RNF111: variants seen among roughly 807,000 people sequenced by gnomAD.
The protein encoded by RNF111 is E3 ubiquitin-protein ligase Arkadia.
A neutral mutation model predicts 95.1 loss-of-function variants in RNF111; 17 were observed. The ratio of observed to expected loss-of-function variants is 0.18; its 90% CI spans 0.12 to 0.27. The LOEUF (loss-of-function observed/expected upper bound fraction) is 0.27, where lower values mean the gene tolerates loss of function less well. Ranked by LOEUF, RNF111 falls within the 10% of genes least tolerant of loss-of-function variation. The pLI, the probability that RNF111 is intolerant of heterozygous loss-of-function variation, is 1.00. For missense variants in RNF111, 1,189 were observed against 1,210.4 expected (o/e 0.98, Z 0.26); for synonymous variants, 440 against 414.8 (o/e 1.06, Z -0.74).
chr15:59,059,374 T>C lies in RNF111; in HGVS notation c.1366+824T>C, dbSNP rs555227187. Among the ~76,000 whole-genome samples, 37 of 152,242 alleles carry C rather than the reference T, an allele frequency of 2.4e-4. No homozygotes were observed. The South Asian group carries it at 5.0e-3, about 20-fold the overall frequency. Reference sequence around the variant, plus strand: ...AGAAAATCACCAGCGTTGGCAAGGATGTAGAGAAATTGGAACCCTTGCGAA... The same window carrying C: ...AGAAAATCACCAGCGTTGGCAAGGACGTAGAGAAATTGGAACCCTTGCGAA... On this transcript the variant is annotated intron_variant, in intron 5 of 13. Transcript: ENST00000348370.
chr15:58,990,678 G>A (rs1432402741), intron 1 of RNF111, among the ~76,000 whole-genome samples: 1 of 152,118 alleles, frequency 6.6e-6, no homozygotes, highest in Non-Finnish European at 1.5e-5. Context: ...AAAAAACTAT[G>A]ATTGTTGTTC....
At chr15:59,032,629 C>T (rs1313056466) in intron 2 of RNF111, among the ~76,000 whole-genome samples, 1 of 152,140 alleles carries the variant, frequency 6.6e-6, no homozygotes, top group Non-Finnish European at 1.5e-5. Context: ...CCAAGTTGCC[C>T]AGGTTGGTCT....
intron 1 of RNF111, among the ~76,000 whole-genome samples, chr15:58,991,318 C>T (rs1244488765): frequency 6.6e-6 from 1 of 152,002 alleles, no homozygotes; most frequent in African/African-American, 2.4e-5. Context: ...AAAAAAGCCT[C>T]CAAATACTTA....
At chr15:59,052,748 C>T (rs1943550495) in intron 3 of RNF111, among the ~76,000 whole-genome samples, 1 of 151,764 alleles carries the variant, frequency 6.6e-6, no homozygotes, top group Non-Finnish European at 1.5e-5. Context: ...GCATTAAACT[C>T]ACCTGGAGAG....
chr15:59,077,759 C>T (rs777712592), intron 7 of RNF111, among the ~76,000 whole-genome samples: 34 of 152,126 alleles, frequency 2.2e-4, no homozygotes, highest in Non-Finnish European at 2.9e-4. Context: ...CAGATAAATA[C>T]TGTTAAGTTT....
At chr15:59,090,357 G>C (rs1463142342) in intron 11 of RNF111, among the ~76,000 whole-genome samples, 1 of 152,156 alleles carries the variant, frequency 6.6e-6, no homozygotes, top group Non-Finnish European at 1.5e-5. Flanking sequence ...GGCTTCCTGA[G>C]TAGCTGGGAT....
Position 59,081,267 on chromosome 15 carries a change from G to T in RNF111, c.2280G>T (p.Arg760Ser). 1 of 1,613,854 alleles carries T rather than the reference G, an allele frequency of 6.2e-7. No homozygotes were observed. Among genetic ancestry groups the T allele is most frequent in the Non-Finnish European group, 8.5e-7 (1 of 1,179,906 alleles). Residue 760 changes from arginine to serine, a missense_variant, in exon 8 of 14, where the codon AGG becomes AGT. Around this residue, in one of 2 missense-constraint regions of RNF111, gnomAD observed 1,024 missense variants for 925.9 expected, o/e 1.11. Transcript: ENST00000348370. ...VMQRMEVQRR[R>S]MMQHPTRAHE... ...AGAGGATGGAAGTTCAAAGGAGGAG[G>T]ATGATGCAGCATCCAACGTATGTTT...
At chr15:59,056,556 A>G (rs1341545734) in intron 4 of RNF111, among the ~76,000 whole-genome samples, 1 of 152,206 alleles carries the variant, frequency 6.6e-6, no homozygotes, top group Admixed American at 6.5e-5. Context: ...TTAGCTATAA[A>G]TTGGGCAAAG....
intron 2 of RNF111, among the ~76,000 whole-genome samples, chr15:59,044,153 C>T (rs2041599983): frequency 6.6e-6 from 1 of 152,186 alleles, no homozygotes; most frequent in Non-Finnish European, 1.5e-5. Flanking sequence ...GCCTCAGCCT[C>T]ATGAGTAGCT....
At chr15:59,047,170 T>G (rs2041753721) in intron 2 of RNF111, among the ~76,000 whole-genome samples, 1 of 152,128 alleles carries the variant, frequency 6.6e-6, no homozygotes, top group Non-Finnish European at 1.5e-5. Flanking sequence ...AGATTAAACA[T>G]GGACAGAAGA....
At chr15:59,041,902 CAT>C (rs1209090614) in intron 2 of RNF111, among the ~76,000 whole-genome samples, 3 of 145,220 alleles carry the variant, frequency 2.1e-5, no homozygotes, top group Non-Finnish European at 3.0e-5. Context: ...TGTATCTTTT[CAT>C]ATGTTTTAAA....
intron 2 of RNF111, among the ~76,000 whole-genome samples, chr15:59,044,874 G>A (rs1478851559): frequency 1.3e-5 from 2 of 152,120 alleles, no homozygotes; most frequent in African/African-American, 4.8e-5. Flanking sequence ...GATTGTAGAT[G>A]CCAAAATGTT....
At chr15:58,994,544 C>A (rs1260786100) in intron 1 of RNF111, among the ~76,000 whole-genome samples, 2 of 123,806 alleles carry the variant, frequency 1.6e-5, no homozygotes. Context: ...GCAGTGTGAT[C>A]TCGGCTCACT....
rs531330497 is a variant in RNF111 at position 59,036,989 on chromosome 15, A to G, written c.880+5287A>G. Among the ~76,000 whole-genome samples, 7 of 150,310 alleles carry G rather than the reference A, an allele frequency of 4.7e-5. No individual in the cohort carries two copies. In the East Asian group the frequency reaches 1.2e-3, roughly 25 times the overall value. Reference sequence around the variant, plus strand: ...GGCACAGCAGCAGGTGTGTGCAACTACAGTTGACTAATTTTTTTTTTTTTT... The same window carrying G: ...GGCACAGCAGCAGGTGTGTGCAACTGCAGTTGACTAATTTTTTTTTTTTTT... On this transcript the variant is annotated intron_variant, in intron 2 of 13. Coordinates refer to ENST00000348370, the MANE Select transcript of RNF111 (RefSeq NM_017610.8).
intron 1 of RNF111, among the ~76,000 whole-genome samples, chr15:58,990,305 G>A (rs2038753526): frequency 1.3e-5 from 2 of 152,188 alleles, no homozygotes; most frequent in African/African-American, 4.8e-5. Flanking sequence ...TGAATCCCCA[G>A]AAAGAAATGC....
chr15:59,049,450 G>C, intron 2 of RNF111: 3 of 203,994 alleles, frequency 1.5e-5, no homozygotes, highest in South Asian at 8.3e-5. Context: ...CCTGTCCATT[G>C]GTTCTCACAA....
chr15:59,040,257 A>G (rs933000176), intron 2 of RNF111, among the ~76,000 whole-genome samples: 12 of 152,064 alleles, frequency 7.9e-5, no homozygotes, highest in Admixed American at 5.2e-4. Flanking sequence ...TTGGGACTAC[A>G]GCACATGCCA....
At chr15:59,010,117 C>T (rs1281029721) in intron 1 of RNF111, among the ~76,000 whole-genome samples, 4 of 152,114 alleles carry the variant, frequency 2.6e-5, no homozygotes, top group African/African-American at 9.7e-5. Flanking sequence ...TGGCTAAAAA[C>T]AGATTTTGGA....
chr15:59,007,718 G>A (rs1281370062), intron 1 of RNF111, among the ~76,000 whole-genome samples: 1 of 152,090 alleles, frequency 6.6e-6, no homozygotes, highest in Non-Finnish European at 1.5e-5. Flanking sequence ...GTGTGTAATG[G>A]TATATTACTA....
Sources: gnomAD v4.1 joint callset for allele counts (sites outside exome capture counted in the v4.1 genomes callset) on GRCh38, gnomAD v4.1.1 for gene constraint, gnomAD v4.1.1 regional missense constraint, MANE v1.5 for transcripts, NCBI Gene and HGNC (gene_info 2026-07-23, HGNC 2026-07-21) for gene names.